EEFSEC: variants seen among roughly 807,000 people sequenced by gnomAD.
The protein encoded by EEFSEC is eukaryotic elongation factor, selenocysteine-tRNA specific.
In EEFSEC, 43 loss-of-function variants were observed where a neutral mutation model predicts 42.1. The ratio of observed to expected loss-of-function variants is 1.02; its 90% CI spans 0.80 to 1.32. The LOEUF is 1.32. Ranked by LOEUF, EEFSEC falls within the 40% of genes most tolerant of loss-of-function variation. The probability of loss-of-function intolerance (pLI) is 0.00; values close to 1 mark genes in which losing one functional copy is unlikely to be tolerated. For missense variants in EEFSEC, 745 were observed against 803.6 expected (o/e 0.93, Z 0.88); for synonymous variants, 354 against 339.1 (o/e 1.04, Z -0.48).
chr3:128,304,895 G>A (rs1216019308), intron 4 of EEFSEC, among the ~76,000 whole-genome samples: 4 of 151,996 alleles, frequency 2.6e-5, no homozygotes, highest in Admixed American at 1.3e-4. Context: ...GTAGAAACAA[G>A]GTTTCACCAT....
intron 1 of EEFSEC, among the ~76,000 whole-genome samples, chr3:128,186,330 A>G (rs1329063932): frequency 6.6e-6 from 1 of 152,198 alleles, no homozygotes; most frequent in East Asian, 1.9e-4. Context: ...ATAGTTCCTT[A>G]TCAGATATAT....
rs1164834792 is a variant in EEFSEC, at chr3:128,153,621, G to A, written c.114G>A (p.Lys38=). The A allele has an allele frequency of 1.3e-6, 2 of 1,596,896 alleles. No homozygotes were observed. The highest frequency in any genetic ancestry group is 1.8e-4 in the Middle Eastern group (1 of 5,714). The change falls in exon 1 of 7, where the codon AAG becomes AAA. Residue 38 remains lysine (K), a synonymous_variant. Transcript: ENST00000254730. The part of the protein sequence containing the change: ...STTASTAAFD[K]QPQSRERGIT... ...CAGCCTCCACCGCCGCCTTTGACAA[G>A]CAGCCGCAGAGCCGCGAGCGCGGCA... is the stretch of plus-strand genomic sequence containing the variant.
In EEFSEC at chr3:128,248,752, G is replaced by A. The variant is rs72973467; in HGVS notation, c.524+1709G>A. Among the ~76,000 whole-genome samples the A allele has an allele frequency of 0.028, 4,244 of 152,192 alleles. 441 individuals carry two copies. The East Asian group carries it at 0.37, about 13-fold the overall frequency. The stretch of plus-strand genomic sequence containing the variant: ...TTTACTATAGAAATGGGACCTTCAG[G>A]GAAGGGCTTAGGGTACGTTTAAGGG... On this transcript the variant is annotated intron_variant, in intron 2 of 6. Coordinates refer to ENST00000254730, the MANE Select transcript of EEFSEC (RefSeq NM_021937.5).
At chr3:128,280,757 G>C (rs1435372259) in intron 4 of EEFSEC, among the ~76,000 whole-genome samples, 1 of 152,204 alleles carries the variant, frequency 6.6e-6, no homozygotes, top group Non-Finnish European at 1.5e-5. Flanking sequence ...GAAGCTCTGG[G>C]CACCAACCCT....
intron 1 of EEFSEC, among the ~76,000 whole-genome samples, chr3:128,213,815 T>C (rs1428706291): frequency 6.6e-6 from 1 of 152,178 alleles, no homozygotes; most frequent in African/African-American, 2.4e-5. Flanking sequence ...ATAGTTTTAG[T>C]ATTTAAAAAA....
intron 4 of EEFSEC, among the ~76,000 whole-genome samples, chr3:128,284,791 C>T (rs1173566611): frequency 2.0e-5 from 3 of 152,042 alleles, no homozygotes; most frequent in Non-Finnish European, 4.4e-5. Context: ...CTCCTGGAGC[C>T]GCCACCACCC....
At chr3:128,191,276 A>G (rs1349519483) in intron 1 of EEFSEC, among the ~76,000 whole-genome samples, 1 of 151,946 alleles carries the variant, frequency 6.6e-6, no homozygotes, top group Non-Finnish European at 1.5e-5. Flanking sequence ...TTTTAAATTT[A>G]TTTGTTTACA....
chr3:128,304,660 C>T (rs1211862663), intron 4 of EEFSEC, among the ~76,000 whole-genome samples: 5 of 151,280 alleles, frequency 3.3e-5, no homozygotes, highest in Non-Finnish European at 5.9e-5. Flanking sequence ...CTTAGTAGTT[C>T]TAGAACAATG....
At chr3:128,259,534 A>G (rs550069507) in intron 2 of EEFSEC, among the ~76,000 whole-genome samples, 1 of 152,356 alleles carries the variant, frequency 6.6e-6, no homozygotes, top group Admixed American at 6.5e-5. Flanking sequence ...GAATTCACAT[A>G]CTATGAAATT....
intron 4 of EEFSEC, among the ~76,000 whole-genome samples, chr3:128,293,610 G>A (rs1373800240): frequency 6.9e-6 from 1 of 143,934 alleles, no homozygotes; most frequent in East Asian, 2.0e-4. Flanking sequence ...GCAGTGAGCT[G>A]AGATCACGCC....
In EEFSEC at chr3:128,317,827, A is replaced by C. The variant is rs1415119246; in HGVS notation, c.787-23406A>C. On this transcript the variant is annotated intron_variant, in intron 4 of 6. Transcript: ENST00000254730. This position sits in a 1 kb window ranked among gnomAD's most constrained non-coding sequence, Gnocchi z 4.1. The stretch of plus-strand genomic sequence containing the variant: ...TCTGCTCCAGCTGCTCCGTCCATCC[A>C]CAGGCCTGGCACAGATGTCCCCTCC... Among the ~76,000 whole-genome samples, 2 of 152,300 alleles carry C rather than the reference A, an allele frequency of 1.3e-5. No individual in the cohort carries two copies. Among genetic ancestry groups the C allele is most frequent in the African/African-American group, 4.8e-5 (2 of 41,568 alleles).
At chr3:128,330,250 T>TA (rs1461899436) in intron 4 of EEFSEC, among the ~76,000 whole-genome samples, 1 of 152,190 alleles carries the variant, frequency 6.6e-6, no homozygotes. Flanking sequence ...ACTGGGAGGT[T>TA]AATCACGAGG....
In EEFSEC at chr3:128,232,892, C is replaced by T. The variant is rs192357606; in HGVS notation, c.317-13944C>T. Among the ~76,000 whole-genome samples, 106 of 152,352 alleles carry T rather than the reference C, an allele frequency of 7.0e-4. 1 individual carries two copies. The East Asian group carries it at 0.019, about 28-fold the overall frequency. On this transcript the variant is annotated intron_variant, in intron 1 of 6. Coordinates refer to ENST00000254730, the MANE Select transcript of EEFSEC (RefSeq NM_021937.5). The stretch of plus-strand genomic sequence containing the variant: ...GGCGACATAAGCAGCCATCACCCCC[C>T]GGACTCCTTGGCCCTGACAGGAGCT...
intron 3 of EEFSEC, among the ~76,000 whole-genome samples, chr3:128,263,805 A>G (rs552111593): frequency 1.1e-3 from 169 of 152,352 alleles, no homozygotes; most frequent in African/African-American, 3.8e-3. Context: ...ATCTCCCGGC[A>G]CACAGGTGGC....
intron 6 of EEFSEC, among the ~76,000 whole-genome samples, chr3:128,364,766 G>A (rs902732171): frequency 6.6e-6 from 1 of 152,214 alleles, no homozygotes; most frequent in Non-Finnish European, 1.5e-5. Flanking sequence ...AGCAGGGGCT[G>A]GGAAGGCCAA....
chr3:128,320,608 G>A (rs966080380), intron 4 of EEFSEC, among the ~76,000 whole-genome samples: 1 of 152,228 alleles, frequency 6.6e-6, no homozygotes, highest in Non-Finnish European at 1.5e-5. Context: ...GTTATGAGGA[G>A]AAAAGGTTGC....
Position 128,317,529 on chromosome 3 carries a change from CAG to C in EEFSEC, c.787-23701_787-23700del, listed in dbSNP as rs1182134289. The stretch of plus-strand genomic sequence containing the variant: ...AGTTTGCTCCGATTTGCTCTGTGCC[CAG>C]AGTCTTTTTCCCCATCAGTCCTCTT... On this transcript the variant is annotated intron_variant, in intron 4 of 6. Coordinates refer to ENST00000254730, the MANE Select transcript of EEFSEC (RefSeq NM_021937.5). The surrounding 1 kb of genome is among the most constrained non-coding windows in gnomAD (Gnocchi z 4.1). 1.3e-5 allele frequency among the ~76,000 whole-genome samples: 2 copies of C among 152,348 alleles called. No individual in the cohort carries two copies. The highest frequency in any genetic ancestry group is 3.9e-4 in the East Asian group (2 of 5,188).
chr3:128,213,685 G>A lies in EEFSEC; in HGVS notation c.317-33151G>A, dbSNP rs543581398. Among the ~76,000 whole-genome samples the A allele has an allele frequency of 3.4e-4, 52 of 152,032 alleles. 1 individual carries two copies. The South Asian group carries it at 0.011, about 32-fold the overall frequency. ...CCGGGCCACGTGAGGGAAGACCAGT[G>A]GACAGGCACATTAAGTTTTAAACTC... On this transcript the variant is annotated intron_variant, in intron 1 of 6. Coordinates refer to ENST00000254730, the MANE Select transcript of EEFSEC (RefSeq NM_021937.5).
At chr3:128,217,512 C>T (rs953334373) in intron 1 of EEFSEC, among the ~76,000 whole-genome samples, 3 of 152,274 alleles carry the variant, frequency 2.0e-5, no homozygotes, top group African/African-American at 7.2e-5. Flanking sequence ...CTTAAGGACC[C>T]GTGACCCTTT....
Sources: gnomAD v4.1 joint callset for allele counts (sites outside exome capture counted in the v4.1 genomes callset) on GRCh38, gnomAD v4.1.1 for gene constraint, Gnocchi (gnomAD v3.1) non-coding constraint, MANE v1.5 for transcripts, NCBI Gene and HGNC (gene_info 2026-07-23, HGNC 2026-07-21) for gene names.